Variants in TMPRSS7 observed in about 807,000 individuals in gnomAD.
TMPRSS7 encodes the protein transmembrane serine protease 7.
A neutral mutation model predicts 95.6 loss-of-function variants in TMPRSS7; 81 were observed. The ratio of observed to expected loss-of-function variants is 0.85; its 90% confidence interval spans 0.71 to 1.02. The LOEUF is 1.02. TMPRSS7 is among the 50% of genes least tolerant of loss of function. The pLI, the probability that TMPRSS7 is intolerant of heterozygous loss-of-function variation, is 0.00. For synonymous variants in TMPRSS7, 364 were observed against 337.8 expected, an observed-to-expected ratio of 1.08 and a Z score of -0.85; for missense variants, 945 against 955.2, an observed-to-expected ratio of 0.99 and a Z score of 0.14.
At chr3:112,075,538 A>G in intron 15 of TMPRSS7, 46 bp downstream of exon 15, 1 of 1,355,892 alleles carries the variant, frequency 7.4e-7, no homozygotes, top group Non-Finnish European at 9.6e-7. Flanking sequence ...CTGTGGCCAT[A>G]GACAATATAT....
At chr3:112,068,411 C>T (rs890152239) in intron 13 of TMPRSS7, among the ~76,000 whole-genome samples, 12 of 152,252 alleles carry the variant, frequency 7.9e-5, no homozygotes, top group East Asian at 1.9e-4. Context: ...AAATTAGCTT[C>T]GGCAGTATGG....
intron 6 of TMPRSS7, 95 bp from the exon 7 acceptor site, chr3:112,047,644 T>G: frequency 1.1e-6 from 1 of 941,724 alleles, no homozygotes; most frequent in Non-Finnish European, 1.6e-6. Flanking sequence ...TCACATGACC[T>G]CTTTTGCCCT....
chr3:112,067,006 T>C (rs1366345628), intron 13 of TMPRSS7, among the ~76,000 whole-genome samples: 1 of 151,998 alleles, frequency 6.6e-6, no homozygotes, highest in Non-Finnish European at 1.5e-5. Flanking sequence ...CAGGCCCTGG[T>C]GTGTGATGTT....
chr3:112,062,914 G>C (rs2073528419), intron 11 of TMPRSS7, among the ~76,000 whole-genome samples: 1 of 152,148 alleles, frequency 6.6e-6, no homozygotes, highest in African/African-American at 2.4e-5. Context: ...TCAGGGAATG[G>C]ATCATTAATC....
At chr3:112,057,418 T>C (rs1045300471) in intron 10 of TMPRSS7, among the ~76,000 whole-genome samples, 1 of 152,158 alleles carries the variant, frequency 6.6e-6, no homozygotes, top group African/African-American at 2.4e-5. Flanking sequence ...TTTCAAATCC[T>C]GGATCCATGG....
intron 16 of TMPRSS7, 37 bp downstream of exon 16, chr3:112,077,181 C>A (rs2073722298): frequency 3.1e-6 from 5 of 1,601,152 alleles, no homozygotes; most frequent in Non-Finnish European, 4.3e-6. Flanking sequence ...CCTTCCCCTG[C>A]AGAGGATGAT....
rs369604109 is a variant in TMPRSS7, at chr3:112,061,769, C to T, written c.1311-18C>T. On this transcript the variant is annotated intron_variant, in intron 10 of 17. Transcript: ENST00000452346. ...AGAACCTCAAGCTGTGTATTCTCCCCGACTCTTGTCTCCCCAGGTACTGTG... is the reference window on the plus strand; with the variant it reads ...AGAACCTCAAGCTGTGTATTCTCCCTGACTCTTGTCTCCCCAGGTACTGTG... The T allele has an allele frequency of 1.2e-4, 185 of 1,589,106 alleles. 3 individuals carry two copies. In the South Asian group the frequency reaches 1.8e-3, roughly 15 times the overall value.
At chr3:112,069,194 G>A (rs1348505493) in intron 13 of TMPRSS7, among the ~76,000 whole-genome samples, 4 of 152,168 alleles carry the variant, frequency 2.6e-5, no homozygotes, top group Admixed American at 2.0e-4. Flanking sequence ...TGGTGGATAA[G>A]CTTTTTGATG....
rs373550451 is a variant in TMPRSS7, at chr3:112,050,638, A to G, written c.1091-33A>G. On this transcript the variant is annotated intron_variant, in intron 8 of 17. Transcript: ENST00000452346. ...GTATTTTCCATAATCTCACAGCTGC[A>G]AATCATTGTGTGTCACTGGGTATCT... The G allele has an allele frequency of 1.5e-5, 19 of 1,272,048 alleles. No homozygotes were observed. The African/African-American group carries it at 2.5e-4, about 17-fold the overall frequency. The allele number at this position is 1,272,048 out of a possible 1,614,324, so 78.8% of individuals were successfully genotyped here.
chr3:112,075,250 C>A (rs1213362668), intron 14 of TMPRSS7, 71 bp from the exon 15 acceptor site: 1 of 1,359,304 alleles, frequency 7.4e-7, no homozygotes, highest in Non-Finnish European at 9.6e-7. Flanking sequence ...CCAGCCAGCA[C>A]TAAAACTGGC....
At chr3:112,061,870 G>A in exon 11 of TMPRSS7, 1 of 1,611,998 alleles carries the variant, frequency 6.2e-7, no homozygotes, top group Non-Finnish European at 8.5e-7. Flanking sequence ...TGCAGTTCAA[G>A]GCTTTCAGAC....
chr3:112,050,887 T>A, intron 9 of TMPRSS7, 104 bp downstream of exon 9: 1 of 587,688 alleles, frequency 1.7e-6, no homozygotes, highest in Non-Finnish European at 2.9e-6. Flanking sequence ...CTTAATTTTA[T>A]AAAATTTCAG....
Position 112,054,620 on chromosome 3 carries a change from T to C in TMPRSS7, c.1204-2405T>C, listed in dbSNP as rs79810948. On this transcript the variant is annotated intron_variant, in intron 9 of 17. Coordinates refer to ENST00000452346, the Ensembl canonical transcript of TMPRSS7. ...CCATTTTTATGTTGAAGCTGTGGAA[T>C]CTAGTGAAAATGCCTAACTGAGCTT... 4.7e-3 allele frequency among the ~76,000 whole-genome samples: 718 copies of C among 151,998 alleles called. 4 individuals carry two copies. The highest frequency in any genetic ancestry group is 7.7e-3 in the Non-Finnish European group (522 of 67,992).
intron 13 of TMPRSS7, among the ~76,000 whole-genome samples, chr3:112,067,477 T>C (rs1185219486): frequency 1.3e-5 from 2 of 152,128 alleles, no homozygotes; most frequent in Non-Finnish European, 2.9e-5. Flanking sequence ...TTCTCCACAT[T>C]CTCTCCAGCA....
At chr3:112,072,158 G>C (rs55785728) in intron 13 of TMPRSS7, among the ~76,000 whole-genome samples, 4,554 of 151,456 alleles carry the variant, frequency 0.03, 190 homozygotes, top group African/African-American at 0.089. Context: ...TGTTGATGTT[G>C]ATGCTGTTCC....
intron 10 of TMPRSS7, among the ~76,000 whole-genome samples, chr3:112,061,239 A>T (rs2073500977): frequency 3.9e-5 from 6 of 152,168 alleles, no homozygotes. Flanking sequence ...AGGTGATGAG[A>T]GGTAAGAAAA....
intron 8 of TMPRSS7, 100 bp downstream of exon 8, chr3:112,050,074 T>A: frequency 8.2e-7 from 1 of 1,215,414 alleles, no homozygotes; most frequent in Non-Finnish European, 1.1e-6. Flanking sequence ...TTCATTGTAT[T>A]AGTCTGGGAC....
intron 1 of TMPRSS7, among the ~76,000 whole-genome samples, chr3:112,036,015 T>A (rs978960269): frequency 6.6e-6 from 1 of 152,176 alleles, no homozygotes; most frequent in African/African-American, 2.4e-5. Context: ...CCCACAACCC[T>A]ACAACCGTAT....
chr3:112,050,017 T>G (rs779087772), intron 8 of TMPRSS7, 43 bp downstream of exon 8: 1 of 1,503,544 alleles, frequency 6.7e-7, no homozygotes. Context: ...TTAGAAATAT[T>G]TGTAATGATA....
Sources: allele counts gnomAD v4.1 joint callset (sites outside exome capture counted in the v4.1 genomes callset), GRCh38; gene constraint gnomAD v4.1.1; transcripts MANE v1.5; gene names NCBI Gene and HGNC (gene_info 2026-07-23, HGNC 2026-07-21).